Variants in DAB1 observed in about 807,000 individuals in gnomAD.
The protein encoded by DAB1 is DAB adaptor protein 1, also known as disabled homolog 1.
Under a neutral mutation model 64.6 loss-of-function variants are expected in DAB1, and 15 were observed. The observed-to-expected ratio is 0.23, with a 90% CI of 0.16 to 0.36. The LOEUF is 0.36. Among genes scored for constraint, DAB1 ranks in the 10% least tolerant of loss-of-function variants. DAB1 has a pLI of 1.00. For missense variants in DAB1, 596 were observed against 706.7 expected (o/e 0.84, Z 1.78); for synonymous variants, 235 against 251.9 (o/e 0.93, Z 0.64).
rs1680919930 is a variant in DAB1, at chr1:57,376,640, G to C, written c.-137+47290C>G. 2.6e-5 allele frequency among the ~76,000 whole-genome samples: 4 copies of C among 152,296 alleles called. No individual in the cohort carries two copies. In the South Asian group the frequency reaches 8.3e-4, roughly 32 times the overall value. ...GCTACCTGTGAACATCTTAGGGACA[G>C]GGATGACTTTGTATGTCCAGAACTT... On this transcript the variant is annotated intron_variant, in intron 1 of 14. Coordinates refer to ENST00000371236, the MANE Select transcript of DAB1 (RefSeq NM_001365792.1).
intron 4 of DAB1, among the ~76,000 whole-genome samples, chr1:58,256,725 C>A (rs1660939036): frequency 6.6e-6 from 1 of 150,522 alleles, no homozygotes; most frequent in Non-Finnish European, 1.5e-5. Flanking sequence ...TGTTCATCTC[C>A]ATAGCCCCAA....
At chr1:58,335,830 G>A (rs934065835) in intron 4 of DAB1, among the ~76,000 whole-genome samples, 3 of 152,186 alleles carry the variant, frequency 2.0e-5, no homozygotes, top group African/African-American at 7.2e-5. Context: ...CAATTTAGTA[G>A]ATACGATCCA....
intron 1 of DAB1, among the ~76,000 whole-genome samples, chr1:57,373,741 A>G (rs558025464): frequency 6.6e-6 from 1 of 152,338 alleles, no homozygotes; most frequent in South Asian, 2.1e-4. Flanking sequence ...AGAATAAATC[A>G]GGGAGGGTGG....
chr1:57,775,602 A>G (rs553732341), intron 6 of DAB1, among the ~76,000 whole-genome samples: 2 of 151,794 alleles, frequency 1.3e-5, no homozygotes, highest in African/African-American at 4.8e-5. Flanking sequence ...AGAACAGAGA[A>G]CCTTGTTTTA....
chr1:57,112,067 C>T (rs958996414), intron 4 of DAB1, among the ~76,000 whole-genome samples: 2 of 152,122 alleles, frequency 1.3e-5, no homozygotes, highest in Non-Finnish European at 2.9e-5. Flanking sequence ...CATAAAAGTC[C>T]GTGATGTCCT....
Position 58,186,540 on chromosome 1 carries a change from A to G in DAB1, n.310-35952T>C, listed in dbSNP as rs565248777. Among the ~76,000 whole-genome samples the G allele has an allele frequency of 2.6e-5, 4 of 152,348 alleles. No individual in the cohort carries two copies. The Middle Eastern group carries it at 0.01, about 389-fold the overall frequency. On this transcript the variant is annotated intron_variant and non_coding_transcript_variant, in intron 4 of 20. Coordinates refer to the DAB1 transcript ENST00000485760. ...CAATAACTTTTTTTTCTTTTTAAAG[A>G]TGAATACATTGCAGAAATTCTAGGA... is the stretch of plus-strand genomic sequence containing the variant.
intron 3 of DAB1, among the ~76,000 whole-genome samples, chr1:58,422,165 G>A (rs192082964): frequency 6.6e-6 from 1 of 152,176 alleles, no homozygotes; most frequent in African/African-American, 2.4e-5. Context: ...CTGAATCTCT[G>A]TGGACCTCAG....
chr1:57,021,285 T>C (rs1173210111), intron 11 of DAB1, among the ~76,000 whole-genome samples: 3 of 152,158 alleles, frequency 2.0e-5, no homozygotes, highest in Non-Finnish European at 2.9e-5. Flanking sequence ...GCAGCAAGAC[T>C]AAAACCCAGG....
intron 5 of DAB1, among the ~76,000 whole-genome samples, chr1:58,096,668 G>A (rs887158898): frequency 2.6e-5 from 4 of 152,200 alleles, no homozygotes; most frequent in African/African-American, 9.6e-5. Context: ...GCAATGTGAA[G>A]GCAGATAAGG....
At chr1:57,786,550 T>G (rs1006087656) in intron 6 of DAB1, among the ~76,000 whole-genome samples, 10 of 152,210 alleles carry the variant, frequency 6.6e-5, no homozygotes, top group Admixed American at 5.9e-4. Flanking sequence ...TAAAAGCTAA[T>G]ATGTTTTGAG....
intron 7 of DAB1, among the ~76,000 whole-genome samples, chr1:57,573,876 A>C (rs1270387193): frequency 6.6e-6 from 1 of 152,226 alleles, no homozygotes; most frequent in East Asian, 1.9e-4. Flanking sequence ...AAATGTGATA[A>C]ATTAATGAGT....
intron 5 of DAB1, among the ~76,000 whole-genome samples, chr1:58,135,365 A>T (rs1653883618): frequency 1.3e-5 from 2 of 152,218 alleles, no homozygotes; most frequent in African/African-American, 4.8e-5. Flanking sequence ...ATGGAATAAC[A>T]AAGGTAAATG....
chr1:58,086,182 C>T (rs189873256), intron 5 of DAB1, among the ~76,000 whole-genome samples: 1 of 151,702 alleles, frequency 6.6e-6, no homozygotes, highest in Admixed American at 6.6e-5. Context: ...CCGGGATGGT[C>T]TCGATCTCCT....
At chr1:58,195,378 G>A (rs540480859) in intron 4 of DAB1, among the ~76,000 whole-genome samples, 1 of 152,238 alleles carries the variant, frequency 6.6e-6, no homozygotes, top group Non-Finnish European at 1.5e-5. Flanking sequence ...GCAGAGATGG[G>A]TACAATGAGT....
At chr1:58,010,297 A>G (rs1330460440) in intron 5 of DAB1, among the ~76,000 whole-genome samples, 1 of 152,220 alleles carries the variant, frequency 6.6e-6, no homozygotes, top group African/African-American at 2.4e-5. Context: ...CTTTTACTAC[A>G]GAAAGAAGGA....
At chr1:57,540,328 ACT>A (rs202193424) in intron 7 of DAB1, among the ~76,000 whole-genome samples, 2,309 of 152,284 alleles carry the variant, frequency 0.015, 31 homozygotes, top group South Asian at 0.049. Context: ...AGAAAAGGAA[ACT>A]CTTATACACT....
At chr1:58,431,733 C>T (rs1644876436) in intron 3 of DAB1, among the ~76,000 whole-genome samples, 1 of 152,070 alleles carries the variant, frequency 6.6e-6, no homozygotes, top group Non-Finnish European at 1.5e-5. Context: ...CCTTCTTCTT[C>T]CCTTTTTTTT....
chr1:57,186,913 A>G (rs1218590372), intron 2 of DAB1, among the ~76,000 whole-genome samples: 1 of 152,144 alleles, frequency 6.6e-6, no homozygotes, highest in Non-Finnish European at 1.5e-5. Flanking sequence ...AAATTCCTAG[A>G]AGCTCAGCTC....
At chr1:57,313,771 C>T (rs928424138) in intron 1 of DAB1, among the ~76,000 whole-genome samples, 1 of 152,194 alleles carries the variant, frequency 6.6e-6, no homozygotes, top group Non-Finnish European at 1.5e-5. Context: ...TGCAAACACA[C>T]AGAAATTCAT....
Sources: gnomAD v4.1 joint callset for allele counts (sites outside exome capture counted in the v4.1 genomes callset) on GRCh38, gnomAD v4.1.1 for gene constraint, MANE v1.5 for transcripts, NCBI Gene and HGNC (gene_info 2026-07-23, HGNC 2026-07-21) for gene names.